TFRC: variants seen among roughly 807,000 people sequenced by gnomAD.
TFRC encodes transferrin receptor.
In TFRC, 35 loss-of-function variants were observed where a neutral mutation model predicts 85.8. The observed-to-expected ratio is 0.41, with a 90% CI of 0.31 to 0.54. TFRC has a LOEUF of 0.54. Ranked by LOEUF, TFRC falls within the 20% of genes least tolerant of loss-of-function variation. The probability of loss-of-function intolerance (pLI) is 0.31; values close to 1 mark genes in which losing one functional copy is unlikely to be tolerated. For synonymous variants in TFRC, 362 were observed against 328.6 expected (o/e 1.10, Z -1.10); for missense variants, 828 against 921.5 (o/e 0.90, Z 1.31).
At chr3:196,057,794 A>AC (rs1397382882) in intron 16 of TFRC, among the ~76,000 whole-genome samples, 4 of 149,436 alleles carry the variant, frequency 2.7e-5, no homozygotes, top group African/African-American at 5.1e-5. Context: ...AAAAAAAAAA[A>AC]AAAACAAAAC....
In TFRC at chr3:196,051,883, A is replaced by C; in HGVS notation, c.*59T>G. 1.9e-6 allele frequency: 3 copies of C among 1,568,792 alleles called. No homozygotes were observed. The highest frequency in any genetic ancestry group is 8.6e-7 in the Non-Finnish European group (1 of 1,157,794). ...GCCCTACTGAAAATTTAGCACGATC[A>C]GCACAAGTCTAGAAACCAGACTACC... On this transcript the variant is annotated 3_prime_UTR_variant, in exon 19 of 19. Transcript: ENST00000360110.
At position 196,067,557 on chromosome 3, in the gene TFRC, A is replaced by C. The variant is rs537759332; in HGVS notation, c.1001T>G (p.Val334Gly). 2 of 1,614,180 alleles carry C rather than the reference A, an allele frequency of 1.2e-6. No homozygotes were observed. The highest frequency in any genetic ancestry group is 2.7e-5 in the African/African-American group (2 of 75,062). Residue 334 changes from valine (V) to glycine (G), a missense_variant, in exon 9 of 19, where the codon GTC (valine) becomes GGC (glycine). By Grantham distance (109) the Val-to-Gly change is moderately radical (BLOSUM62 -3). Transcript: ENST00000360110. ...SRSSGLPNIP[V>G]QTISRAAAEK... ...TGCAGCAGCTCTGGAGATTGTCTGGACAGGTATATTAGGCAATCCTGATGA... is the reference window on the plus strand; with the variant it reads ...TGCAGCAGCTCTGGAGATTGTCTGGCCAGGTATATTAGGCAATCCTGATGA...
At chr3:196,060,342 T>A in intron 13 of TFRC, 95 bp from the exon 14 acceptor site, 1 of 1,072,546 alleles carries the variant, frequency 9.3e-7, no homozygotes, top group Non-Finnish European at 1.4e-6. Flanking sequence ...AATAAGACAG[T>A]AATCTAGATC....
At chr3:196,062,817 GC>G (rs757029284) in intron 12 of TFRC, 36 bp downstream of exon 12, 1 of 1,603,150 alleles carries the variant, frequency 6.2e-7, no homozygotes, top group Non-Finnish European at 8.5e-7. Context: ...AAGCCCACAA[GC>G]TCGTGTCCAA....
At chr3:196,063,659 G>A (rs1041805569) in intron 11 of TFRC, among the ~76,000 whole-genome samples, 1 of 152,130 alleles carries the variant, frequency 6.6e-6, no homozygotes, top group African/African-American at 2.4e-5. Flanking sequence ...GGCAGGGCAC[G>A]GTGGCTCACT....
At chr3:196,080,364 A>C (rs1719063357) in intron 1 of TFRC, among the ~76,000 whole-genome samples, 1 of 152,168 alleles carries the variant, frequency 6.6e-6, no homozygotes, top group African/African-American at 2.4e-5. Flanking sequence ...TCGGCCTCCC[A>C]AAGTGCTGGA....
At chr3:196,066,296 T>TA (rs1717738339) in intron 9 of TFRC, among the ~76,000 whole-genome samples, 1 of 151,988 alleles carries the variant, frequency 6.6e-6, no homozygotes, top group African/African-American at 2.4e-5. Context: ...AGCTCAGTTA[T>TA]AAAAAATATT....
intron 18 of TFRC, 108 bp from the exon 19 acceptor site, chr3:196,052,292 CTTTTTTTT>C (rs529214594): frequency 5.3e-4 from 293 of 547,668 alleles, no homozygotes; most frequent in Middle Eastern, 1.2e-3. Context: ...GCCGATCAGA[CTTTTTTTT>C]TTTTTTTTTT....
chr3:196,053,657 AG>A (rs1716534571), intron 17 of TFRC, 99 bp from the exon 18 acceptor site: 3 of 1,470,254 alleles, frequency 2.0e-6, no homozygotes, highest in Non-Finnish European at 1.9e-6. Flanking sequence ...TTCTGATAAA[AG>A]GAACTCGCAG....
chr3:196,060,515 T>G (rs1268417774), intron 13 of TFRC: 1 of 373,810 alleles, frequency 2.7e-6, no homozygotes, highest in African/African-American at 2.1e-5. Context: ...TCAGAGCAGT[T>G]AGGCCGGGCA....
chr3:196,065,638 T>G (rs764240700), intron 9 of TFRC, 38 bp from the exon 10 acceptor site: 1 of 1,565,862 alleles, frequency 6.4e-7, no homozygotes, highest in Non-Finnish European at 8.6e-7. Flanking sequence ...TGAGTTATTG[T>G]TCCTTGCCCA....
intron 1 of TFRC, among the ~76,000 whole-genome samples, chr3:196,080,477 G>A (rs933711067): frequency 6.6e-5 from 10 of 152,362 alleles, no homozygotes; most frequent in African/African-American, 1.7e-4. Flanking sequence ...GACCTTAGGT[G>A]ATCCGCCTGC....
intron 18 of TFRC, among the ~76,000 whole-genome samples, chr3:196,052,555 C>T (rs1427414695): frequency 6.6e-6 from 1 of 152,084 alleles, no homozygotes; most frequent in African/African-American, 2.4e-5. Flanking sequence ...ATTCTCCTGC[C>T]TCAGCCTCCT....
chr3:196,073,178 C>T (rs1718371245), intron 4 of TFRC, among the ~76,000 whole-genome samples: 1 of 151,592 alleles, frequency 6.6e-6, no homozygotes, highest in South Asian at 2.1e-4. Context: ...TGAAATCGTG[C>T]CACTGCACTC....
intron 18 of TFRC, 108 bp from the exon 19 acceptor site, chr3:196,052,292 CTTTTTTTTTT>C (rs529214594): frequency 2.3e-4 from 125 of 547,948 alleles, no homozygotes; most frequent in African/African-American, 1.0e-3. Flanking sequence ...GCCGATCAGA[CTTTTTTTTTT>C]TTTTTTTTTT....
intron 1 of TFRC, among the ~76,000 whole-genome samples, chr3:196,081,583 T>C (rs1045628217): frequency 2.6e-5 from 4 of 152,166 alleles, no homozygotes; most frequent in Non-Finnish European, 4.4e-5. Flanking sequence ...GCCGCGCAGC[T>C]GCACCTTGGC....
chr3:196,067,383 GGTAACA>G (rs1717820610), intron 9 of TFRC, 129 bp downstream of exon 9: 3 of 902,110 alleles, frequency 3.3e-6, no homozygotes, highest in African/African-American at 1.7e-5. Flanking sequence ...TCTGTACCAA[GGTAACA>G]GCTAACCATC....
rs1716205707 is a variant in TFRC, at chr3:196,050,293, T to G, written c.*1649A>C. On this transcript the variant is annotated 3_prime_UTR_variant, in exon 19 of 19. Transcript: ENST00000360110. ...AAGGTAACAAAAACCCAAGCTAAAT[T>G]TCAAATTTTGTAGTAATTTCATTTT... The G allele has an allele frequency of 9.1e-6, 2 of 220,634 alleles. No homozygotes were observed. Among genetic ancestry groups the G allele is most frequent in the Non-Finnish European group, 1.8e-5 (2 of 110,286 alleles). The allele number at this position is 220,634 out of a possible 1,614,324, so 13.7% of individuals were successfully genotyped here. A position where few individuals can be genotyped will look rare whatever the true frequency, so the allele number is the denominator to read the frequency against.
chr3:196,063,172 G>A (rs1021072392), intron 11 of TFRC: 39 of 422,316 alleles, frequency 9.2e-5, no homozygotes, highest in Non-Finnish European at 1.5e-4. Context: ...CAAAGAGCAA[G>A]ATAGGAGATC....
Sources: allele counts gnomAD v4.1 joint callset (sites outside exome capture counted in the v4.1 genomes callset), GRCh38; gene constraint gnomAD v4.1.1; transcripts MANE v1.5; gene names NCBI Gene and HGNC (gene_info 2026-07-23, HGNC 2026-07-21).